GALNT18: variants seen among roughly 807,000 people sequenced by gnomAD.
The protein encoded by GALNT18 is polypeptide N-acetylgalactosaminyltransferase 18, also known as GalNAc-transferase 18.
Under a neutral mutation model 69.5 loss-of-function variants are expected in GALNT18, and 44 were observed. That is an observed-to-expected ratio of 0.63 (90% confidence interval 0.50 to 0.81). The LOEUF (loss-of-function observed/expected upper bound fraction) is 0.81. GALNT18 is among the 40% of genes least tolerant of loss of function. GALNT18 has a pLI of 0.00. For missense variants in GALNT18, 715 were observed against 810.0 expected (o/e 0.88, Z 1.42); for synonymous variants, 364 against 318.2 (o/e 1.14, Z -1.53).
In GALNT18 at chr11:11,432,245, A is replaced by ATC. The variant is rs1292008349; in HGVS notation, c.595+374_595+375dup. ...ACTGCTAACATAACACCAGTGAACA[A>ATC]TCTTCCAGGCAGAGGCTGTGGAACC... On this transcript the variant is annotated intron_variant, in intron 3 of 10. Transcript: ENST00000227756. This position sits in a 1 kb window ranked among gnomAD's most constrained non-coding sequence, Gnocchi z 5.8. Among the ~76,000 whole-genome samples, 5 of 152,206 alleles carry ATC rather than the reference A, an allele frequency of 3.3e-5. No individual in the cohort carries two copies. The highest frequency in any genetic ancestry group is 7.3e-5 in the Non-Finnish European group (5 of 68,040).
At chr11:11,417,353 G>T (rs1056304597) in intron 3 of GALNT18, among the ~76,000 whole-genome samples, 1 of 152,208 alleles carries the variant, frequency 6.6e-6, no homozygotes, top group Non-Finnish European at 1.5e-5. Flanking sequence ...AAGTAATTAT[G>T]AGAGAGACGG....
At chr11:11,449,084 T>A (rs1855731769) in intron 1 of GALNT18, 148 bp from the exon 2 acceptor site, 1 of 627,490 alleles carries the variant, frequency 1.6e-6, no homozygotes, top group Non-Finnish European at 2.7e-6. Flanking sequence ...TTTTCATGCT[T>A]CCCAAAGACC....
chr11:11,518,855 G>C (rs1320726709), intron 1 of GALNT18, among the ~76,000 whole-genome samples: 2 of 152,214 alleles, frequency 1.3e-5, no homozygotes, highest in Non-Finnish European at 2.9e-5. Context: ...AGAGGCCCCA[G>C]GGCCATGGTC....
chr11:11,545,257 G>C (rs564922871), intron 1 of GALNT18, among the ~76,000 whole-genome samples: 1 of 152,238 alleles, frequency 6.6e-6, no homozygotes, highest in African/African-American at 2.4e-5. Flanking sequence ...CTTTGAATGC[G>C]CTTTCATAAA....
intron 1 of GALNT18, among the ~76,000 whole-genome samples, chr11:11,597,252 T>C (rs187741957): frequency 1.6e-3 from 240 of 152,352 alleles, no homozygotes; most frequent in Non-Finnish European, 2.6e-3. Flanking sequence ...TGAGGTTTTC[T>C]TTCATTATGA....
At chr11:11,550,453 GT>G (rs1858161415) in intron 1 of GALNT18, among the ~76,000 whole-genome samples, 2 of 152,214 alleles carry the variant, frequency 1.3e-5, no homozygotes, top group African/African-American at 4.8e-5. Context: ...GCCCAGAACT[GT>G]GTAACCCCCA....
At chr11:11,335,755 AGAG>A (rs1251242716) in intron 7 of GALNT18, among the ~76,000 whole-genome samples, 2 of 152,200 alleles carry the variant, frequency 1.3e-5, no homozygotes, top group African/African-American at 2.4e-5. Context: ...ATAGAGACAA[AGAG>A]GAGAAGGCCA....
Position 11,300,245 on chromosome 11 carries a change from G to T in GALNT18, c.1513-7052C>A, listed in dbSNP as rs368114292. Among the ~76,000 whole-genome samples the T allele has an allele frequency of 7.9e-5, 12 of 152,276 alleles. No homozygotes were observed. In the South Asian group the frequency reaches 2.5e-3, roughly 32 times the overall value. On this transcript the variant is annotated intron_variant, in intron 9 of 10. Transcript: ENST00000227756. ...CAAGTAGGTGCCCGTGAAAAATGAG[G>T]TATCTTTGGGGCATTTAGACTCTCC... is the stretch of plus-strand genomic sequence containing the variant.
chr11:11,589,451 A>C (rs1359579383), intron 1 of GALNT18, among the ~76,000 whole-genome samples: 1 of 151,814 alleles, frequency 6.6e-6, no homozygotes, highest in African/African-American at 2.4e-5. Context: ...CGTATTGCTA[A>C]AAATGACTCC....
chr11:11,297,009 G>A (rs916352251), intron 9 of GALNT18, among the ~76,000 whole-genome samples: 3 of 152,296 alleles, frequency 2.0e-5, no homozygotes, highest in East Asian at 1.9e-4. Context: ...ACTCTGGAAC[G>A]TTTAAGGCAA....
At chr11:11,403,508 C>A (rs755625555) in intron 3 of GALNT18, among the ~76,000 whole-genome samples, 11 of 152,218 alleles carry the variant, frequency 7.2e-5, no homozygotes, top group East Asian at 1.9e-4. Flanking sequence ...GAATACTGTA[C>A]TTCTAGATCC....
intron 3 of GALNT18, among the ~76,000 whole-genome samples, chr11:11,390,204 C>G (rs746723121): frequency 6.6e-6 from 1 of 152,172 alleles, no homozygotes; most frequent in Non-Finnish European, 1.5e-5. Flanking sequence ...ACATCCTGGT[C>G]CAGCCTTCTC....
chr11:11,441,368 C>A (rs1229885219), intron 2 of GALNT18, among the ~76,000 whole-genome samples: 1 of 152,138 alleles, frequency 6.6e-6, no homozygotes, highest in Non-Finnish European at 1.5e-5. Context: ...CCTTAAGTTG[C>A]CTTCATGGAG....
chr11:11,599,162 A>T (rs574373265), intron 1 of GALNT18, among the ~76,000 whole-genome samples: 1 of 152,252 alleles, frequency 6.6e-6, no homozygotes, highest in East Asian at 1.9e-4. Flanking sequence ...ACATCTGCCT[A>T]ATTGTTCTAC....
At chr11:11,363,086 G>A (rs1850680237) in intron 6 of GALNT18, among the ~76,000 whole-genome samples, 1 of 152,098 alleles carries the variant, frequency 6.6e-6, no homozygotes, top group African/African-American at 2.4e-5. Context: ...AAGGGGACCT[G>A]CGAATATATA....
intron 10 of GALNT18, among the ~76,000 whole-genome samples, chr11:11,286,599 G>C (rs958105221): frequency 3.9e-5 from 6 of 152,068 alleles, no homozygotes; most frequent in African/African-American, 1.4e-4. Flanking sequence ...CTTGCACACA[G>C]GGGGGACTTT....
intron 1 of GALNT18, among the ~76,000 whole-genome samples, chr11:11,575,879 C>A (rs79589296): frequency 6.6e-6 from 1 of 152,184 alleles, no homozygotes; most frequent in Admixed American, 6.5e-5. Context: ...CCTTTGAGGA[C>A]GAAATGCGAC....
intron 9 of GALNT18, among the ~76,000 whole-genome samples, chr11:11,305,841 A>G (rs1342618924): frequency 6.6e-6 from 1 of 152,180 alleles, no homozygotes; most frequent in East Asian, 1.9e-4. Flanking sequence ...TTATTACATG[A>G]TATACACTCA....
intron 2 of GALNT18, among the ~76,000 whole-genome samples, chr11:11,438,020 C>A (rs1394877706): frequency 1.3e-5 from 2 of 152,154 alleles, no homozygotes; most frequent in African/African-American, 4.8e-5. Context: ...AGTCAGCATA[C>A]AAGGGTTCAG....
Sources: gnomAD v4.1 joint callset for allele counts (sites outside exome capture counted in the v4.1 genomes callset) on GRCh38, gnomAD v4.1.1 for gene constraint, Gnocchi (gnomAD v3.1) non-coding constraint, MANE v1.5 for transcripts, NCBI Gene and HGNC (gene_info 2026-07-23, HGNC 2026-07-21) for gene names.